KLHDC1: variants seen among roughly 807,000 people sequenced by gnomAD.
The protein encoded by KLHDC1 is kelch domain-containing protein 1.
KLHDC1 carries 53 observed loss-of-function variants against 68.3 expected under a neutral mutation model. The observed-to-expected ratio is 0.78, with a 90% CI of 0.62 to 0.98. The LOEUF is 0.98. KLHDC1 is among the 50% of genes least tolerant of loss of function. The pLI is 0.00. For synonymous variants in KLHDC1, 148 were observed against 159.0 expected, an observed-to-expected ratio of 0.93 and a Z score of 0.52; for missense variants, 470 against 492.3, an observed-to-expected ratio of 0.95 and a Z score of 0.43.
intron 1 of KLHDC1, among the ~76,000 whole-genome samples, chr14:49,700,819 G>A (rs770411688): frequency 7.5e-4 from 114 of 152,242 alleles, no homozygotes; most frequent in African/African-American, 1.8e-3. Flanking sequence ...AGTGGCTCAC[G>A]CCTGTAATCC....
intron 9 of KLHDC1, among the ~76,000 whole-genome samples, chr14:49,733,281 T>C (rs1053486579): frequency 2.0e-5 from 3 of 152,164 alleles, no homozygotes; most frequent in Non-Finnish European, 2.9e-5. Context: ...TTTTTTAAAC[T>C]CCAGTCATTG....
intron 4 of KLHDC1, among the ~76,000 whole-genome samples, chr14:49,713,039 T>C (rs1360955769): frequency 6.7e-6 from 1 of 148,638 alleles, no homozygotes; most frequent in Non-Finnish European, 1.5e-5. Context: ...AAGCTCTGCC[T>C]CCCAGGTTCA....
intron 6 of KLHDC1, among the ~76,000 whole-genome samples, chr14:49,727,199 G>C (rs1304513610): frequency 1.3e-5 from 2 of 151,880 alleles, no homozygotes; most frequent in Non-Finnish European, 2.9e-5. Context: ...AGTGAGCGGA[G>C]ATTGCTCCAC....
At chr14:49,702,256 CAA>C (rs1240998409) in intron 1 of KLHDC1, among the ~76,000 whole-genome samples, 1 of 147,006 alleles carries the variant, frequency 6.8e-6, no homozygotes. Context: ...AATATACAAA[CAA>C]AGGAAACCCA....
rs184796776 is a variant in KLHDC1, at chr14:49,695,247, T to G, written c.96+1957T>G. Among the ~76,000 whole-genome samples the G allele has an allele frequency of 5.9e-4, 89 of 151,992 alleles. 2 individuals are homozygous for G. Among genetic ancestry groups the G allele is most frequent in the African/African-American group, 2.0e-3 (83 of 41,498 alleles). Reference sequence around the variant, plus strand: ...CTGGAATTACAGGTGTGCACCACCATGCCTGGCTAATTTTTGTATTTTTTA... The same window carrying G: ...CTGGAATTACAGGTGTGCACCACCAGGCCTGGCTAATTTTTGTATTTTTTA... On this transcript the variant is annotated intron_variant, in intron 1 of 12. Coordinates refer to ENST00000359332, the MANE Select transcript of KLHDC1 (RefSeq NM_172193.3).
At chr14:49,726,049 T>C (rs184799871) in intron 6 of KLHDC1, among the ~76,000 whole-genome samples, 13 of 152,300 alleles carry the variant, frequency 8.5e-5, no homozygotes, top group Admixed American at 7.9e-4. Flanking sequence ...AATTTTGCCA[T>C]GTTGGCCACG....
intron 12 of KLHDC1, among the ~76,000 whole-genome samples, chr14:49,745,267 C>A (rs1386366000): frequency 6.6e-6 from 1 of 152,168 alleles, no homozygotes; most frequent in African/African-American, 2.4e-5. Flanking sequence ...CTTCTCTTAG[C>A]ACAGTAGTTC....
intron 1 of KLHDC1, among the ~76,000 whole-genome samples, chr14:49,698,438 G>A (rs569441196): frequency 5.3e-5 from 8 of 151,238 alleles, no homozygotes; most frequent in South Asian, 2.1e-4. Flanking sequence ...TCTTGACCTC[G>A]TGATCCGCCC....
intron 2 of KLHDC1, 48 bp from the exon 3 acceptor site, chr14:49,709,661 A>G (rs1382841383): frequency 9.4e-7 from 1 of 1,063,416 alleles, no homozygotes; most frequent in Non-Finnish European, 1.4e-6. Context: ...GAGAATTTTA[A>G]TTTGCCTTTC....
At position 49,707,240 on chromosome 14, in the gene KLHDC1, C is replaced by G. The variant is rs1888072437; in HGVS notation, c.97-1919C>G. 2.0e-5 allele frequency among the ~76,000 whole-genome samples: 3 copies of G among 146,630 alleles called. 1 individual carries two copies. On this transcript the variant is annotated intron_variant, in intron 1 of 12. Transcript: ENST00000359332. Reference sequence around the variant, plus strand: ...TCAGACATGAGTGTAAGTTTAATTTCCTTGGAACTAATACAACGCTTTTCT... The same window carrying G: ...TCAGACATGAGTGTAAGTTTAATTTGCTTGGAACTAATACAACGCTTTTCT...
chr14:49,709,669 T>G (rs373930497), intron 2 of KLHDC1, 40 bp from the exon 3 acceptor site: 24 of 1,182,136 alleles, frequency 2.0e-5, no homozygotes, highest in Non-Finnish European at 2.9e-5. Flanking sequence ...TAATTTGCCT[T>G]TCTGGAAAGT....
At chr14:49,722,853 G>A (rs868408857) in intron 4 of KLHDC1, among the ~76,000 whole-genome samples, 10 of 150,218 alleles carry the variant, frequency 6.7e-5, no homozygotes, top group African/African-American at 2.2e-4. Flanking sequence ...TTGGGAGGCC[G>A]AGGTGGGCAG....
At chr14:49,699,294 G>T (rs1041013129) in intron 1 of KLHDC1, among the ~76,000 whole-genome samples, 3 of 151,836 alleles carry the variant, frequency 2.0e-5, no homozygotes, top group Non-Finnish European at 2.9e-5. Flanking sequence ...CAACACAGAT[G>T]TAGATCCTGA....
Position 49,751,748 on chromosome 14 carries a change from A to G in KLHDC1, c.1197A>G (p.Lys399=), listed in dbSNP as rs137963036. Reference sequence around the variant, plus strand: ...TCCAAAAAGAAGAAACAGAAAATAAATATCAGTGGATCAGTAGCAATTAAA... The same window carrying G: ...TCCAAAAAGAAGAAACAGAAAATAAGTATCAGTGGATCAGTAGCAATTAAA... ...QRVQKEETEN[K]YQWISSN The change falls in exon 13 of 13, where the codon AAA becomes AAG. Residue 399 remains lysine (K), a synonymous_variant. Transcript: ENST00000359332. 1.9e-4 allele frequency: 293 copies of G among 1,578,240 alleles called. No homozygotes were observed. Among genetic ancestry groups the G allele is most frequent in the Non-Finnish European group, 2.3e-4 (264 of 1,157,556 alleles).
intron 6 of KLHDC1, among the ~76,000 whole-genome samples, chr14:49,728,355 G>T (rs900604768): frequency 6.6e-6 from 1 of 152,146 alleles, no homozygotes; most frequent in Non-Finnish European, 1.5e-5. Flanking sequence ...TAAAGAAAAG[G>T]TCTGCTATAT....
intron 1 of KLHDC1, among the ~76,000 whole-genome samples, chr14:49,702,069 G>A (rs1887922467): frequency 6.6e-6 from 1 of 151,634 alleles, no homozygotes; most frequent in Non-Finnish European, 1.5e-5. Context: ...TCGGGAGGCT[G>A]AGGCAGGATA....
At chr14:49,739,702 A>T (rs1199103292) in intron 10 of KLHDC1, among the ~76,000 whole-genome samples, 1 of 152,204 alleles carries the variant, frequency 6.6e-6, no homozygotes, top group Non-Finnish European at 1.5e-5. Flanking sequence ...TGCAGGGATA[A>T]TATGTATGAG....
intron 1 of KLHDC1, among the ~76,000 whole-genome samples, chr14:49,695,542 C>T (rs1887715417): frequency 6.6e-6 from 1 of 152,196 alleles, no homozygotes; most frequent in African/African-American, 2.4e-5. Context: ...TCCAGGCTTT[C>T]TTGTTCCGTT....
At chr14:49,744,830 G>A (rs939971872) in intron 12 of KLHDC1, among the ~76,000 whole-genome samples, 1 of 152,100 alleles carries the variant, frequency 6.6e-6, no homozygotes, top group Non-Finnish European at 1.5e-5. Context: ...CAGATACAGG[G>A]GGCTGACTGT....
Sources: gnomAD v4.1 joint callset for allele counts (sites outside exome capture counted in the v4.1 genomes callset) on GRCh38, gnomAD v4.1.1 for gene constraint, MANE v1.5 for transcripts, NCBI Gene and HGNC (gene_info 2026-07-23, HGNC 2026-07-21) for gene names.